The following NTNG1 variants were observed in gnomAD, a reference collection of about 807,000 sequenced individuals.
The protein encoded by NTNG1 is netrin-G1.
Under a neutral mutation model 54.0 loss-of-function variants are expected in NTNG1, and 16 were observed. The ratio of observed to expected loss-of-function variants is 0.30; its 90% CI spans 0.20 to 0.45. The LOEUF (loss-of-function observed/expected upper bound fraction) is 0.45, where lower values mean the gene tolerates loss of function less well. NTNG1 is among the 20% of genes least tolerant of loss of function. The probability of loss-of-function intolerance (pLI) is 1.00; values close to 1 mark genes in which losing one functional copy is unlikely to be tolerated. For synonymous variants in NTNG1, 255 were observed against 263.1 expected, an observed-to-expected ratio of 0.97 and a Z score of 0.30; for missense variants, 530 against 678.7, an observed-to-expected ratio of 0.78 and a Z score of 2.43.
chr1:107,248,203 T>G (rs1245341948), intron 2 of NTNG1, among the ~76,000 whole-genome samples: 1 of 152,192 alleles, frequency 6.6e-6, no homozygotes. Flanking sequence ...TCTTGGCAGC[T>G]GGGGCTCAGT....
chr1:107,387,918 T>G (rs1169417776), intron 3 of NTNG1, among the ~76,000 whole-genome samples: 1 of 152,204 alleles, frequency 6.6e-6, no homozygotes, highest in African/African-American at 2.4e-5. Context: ...TCCCTCTGAT[T>G]GTTCAGTGCA....
intron 2 of NTNG1, among the ~76,000 whole-genome samples, chr1:107,170,725 A>T (rs2101089560): frequency 6.6e-6 from 1 of 152,274 alleles, no homozygotes; most frequent in East Asian, 1.9e-4. Flanking sequence ...GGGAAAAAAA[A>T]GAATAAAAAA....
chr1:107,204,893 T>G (rs879433841), intron 2 of NTNG1, among the ~76,000 whole-genome samples: 8 of 152,048 alleles, frequency 5.3e-5, no homozygotes, highest in Non-Finnish European at 1.0e-4. Context: ...GGCTTAGAGC[T>G]CCTATTGAGA....
intron 2 of NTNG1, among the ~76,000 whole-genome samples, chr1:107,248,248 G>A (rs1662330044): frequency 6.6e-6 from 1 of 152,174 alleles, no homozygotes; most frequent in Admixed American, 6.5e-5. Flanking sequence ...AGATCATTCT[G>A]TTTGGGGTCT....
chr1:107,149,298 T>C (rs1570707522), intron 2 of NTNG1, among the ~76,000 whole-genome samples: 1 of 152,144 alleles, frequency 6.6e-6, no homozygotes, highest in East Asian at 1.9e-4. Context: ...ATCTCATAAT[T>C]ATGTTCATCA....
intron 2 of NTNG1, among the ~76,000 whole-genome samples, chr1:107,277,331 A>G (rs1198615926): frequency 6.6e-6 from 1 of 152,132 alleles, no homozygotes; most frequent in African/African-American, 2.4e-5. Flanking sequence ...CAGAGCCCAC[A>G]TTTTCATGGT....
At chr1:107,294,811 A>G (rs1038263284) in intron 2 of NTNG1, among the ~76,000 whole-genome samples, 2 of 152,136 alleles carry the variant, frequency 1.3e-5, no homozygotes, top group Admixed American at 6.6e-5. Context: ...GCTATCATCT[A>G]TCTGCCATCT....
intron 7 of NTNG1, among the ~76,000 whole-genome samples, chr1:107,457,284 G>C (rs961408995): frequency 6.6e-6 from 1 of 152,144 alleles, no homozygotes; most frequent in African/African-American, 2.4e-5. Context: ...GGCTCTTTTG[G>C]TACTAAATCC....
intron 2 of NTNG1, among the ~76,000 whole-genome samples, chr1:107,279,042 T>C (rs112463002): frequency 0.018 from 2,772 of 152,292 alleles, 48 homozygotes; most frequent in Non-Finnish European, 0.027. Flanking sequence ...AGACTGGGGT[T>C]ACTATGACTA....
At chr1:107,259,625 G>T (rs1433238662) in intron 2 of NTNG1, among the ~76,000 whole-genome samples, 3 of 151,822 alleles carry the variant, frequency 2.0e-5, no homozygotes, top group Admixed American at 6.6e-5. Context: ...ATATTATTCT[G>T]CTGGGAATGA....
intron 1 of NTNG1, among the ~76,000 whole-genome samples, chr1:107,144,179 C>A (rs1653940792): frequency 6.6e-6 from 1 of 152,066 alleles, no homozygotes. Context: ...TAATAAATTT[C>A]ATTATGACTG....
chr1:107,444,086 G>A (rs1055146793), intron 7 of NTNG1, among the ~76,000 whole-genome samples: 17 of 143,428 alleles, frequency 1.2e-4, no homozygotes, highest in Non-Finnish European at 1.7e-4. Flanking sequence ...AAAAAGGATC[G>A]TTTTGTCTGC....
chr1:107,218,611 T>C (rs1017214319), intron 2 of NTNG1, among the ~76,000 whole-genome samples: 1 of 55,766 alleles, frequency 1.8e-5, no homozygotes, highest in Non-Finnish European at 6.8e-5. Context: ...CATTTCAAGA[T>C]TTAGAGCTCC....
intron 2 of NTNG1, among the ~76,000 whole-genome samples, chr1:107,232,653 A>C (rs1269524160): frequency 6.6e-6 from 1 of 152,346 alleles, no homozygotes; most frequent in East Asian, 1.9e-4. Context: ...TTGTATAGTT[A>C]AGAGAAGTGA....
At chr1:107,356,086 CTCAGT>C (rs1198399886) in intron 3 of NTNG1, among the ~76,000 whole-genome samples, 8 of 152,116 alleles carry the variant, frequency 5.3e-5, no homozygotes, top group Admixed American at 1.3e-4. Context: ...CCTTTGTCAC[CTCAGT>C]GCCTGGAAAG....
intron 2 of NTNG1, among the ~76,000 whole-genome samples, chr1:107,242,289 T>C (rs143246743): frequency 2.0e-5 from 3 of 152,098 alleles, no homozygotes; most frequent in African/African-American, 7.2e-5. Flanking sequence ...ACACTCCAGC[T>C]TGGGTGACAG....
intron 3 of NTNG1, among the ~76,000 whole-genome samples, chr1:107,361,493 A>G (rs1670301981): frequency 6.7e-6 from 1 of 150,264 alleles, no homozygotes; most frequent in South Asian, 2.1e-4. Context: ...GGGTCAAGCA[A>G]TTCTCCTGCC....
At chr1:107,222,358 A>G (rs1660400677) in intron 2 of NTNG1, among the ~76,000 whole-genome samples, 1 of 152,214 alleles carries the variant, frequency 6.6e-6, no homozygotes. Flanking sequence ...CCGATTCTGC[A>G]ATTCAGTACT....
intron 3 of NTNG1, among the ~76,000 whole-genome samples, chr1:107,382,779 CTCTCTT>C (rs1245890833): frequency 2.0e-5 from 3 of 151,946 alleles, no homozygotes; most frequent in Non-Finnish European, 2.9e-5. Context: ...CTCTCTCTCT[CTCTCTT>C]TATTTTTTGT....
Sources: allele counts gnomAD v4.1 joint callset (sites outside exome capture counted in the v4.1 genomes callset), GRCh38; gene constraint gnomAD v4.1.1; transcripts MANE v1.5; gene names NCBI Gene and HGNC (gene_info 2026-07-23, HGNC 2026-07-21).